PCSK5: variants seen among roughly 807,000 people sequenced by gnomAD.
PCSK5 encodes prohormone convertase 5.
In PCSK5, 129 loss-of-function variants were observed where a neutral mutation model predicts 233.2. The observed-to-expected ratio is 0.55, with a 90% CI of 0.48 to 0.64. The LOEUF is 0.64. Ranked by LOEUF, PCSK5 falls within the 30% of genes least tolerant of loss-of-function variation. The pLI is 0.00. For synonymous variants in PCSK5, 825 were observed against 879.2 expected (o/e 0.94, Z 1.09); for missense variants, 2,076 against 2,430.1 (o/e 0.85, Z 3.06).
intron 5 of PCSK5, among the ~76,000 whole-genome samples, chr9:76,042,869 G>C (rs1052346474): frequency 1.1e-4 from 16 of 152,156 alleles, no homozygotes; most frequent in African/African-American, 3.4e-4. Context: ...GCAACAGCCT[G>C]TAATTCCTTC....
At chr9:76,109,545 T>A (rs1316085830) in intron 9 of PCSK5, among the ~76,000 whole-genome samples, 1 of 149,596 alleles carries the variant, frequency 6.7e-6, no homozygotes, top group African/African-American at 2.5e-5. Context: ...CATAACACAT[T>A]GAAAGACTAC....
chr9:75,963,566 C>T (rs941702527), intron 2 of PCSK5, among the ~76,000 whole-genome samples: 2 of 152,142 alleles, frequency 1.3e-5, no homozygotes, highest in Non-Finnish European at 2.9e-5. Flanking sequence ...TGTTTGAGTT[C>T]GTTTTTACTT....
intron 24 of PCSK5, among the ~76,000 whole-genome samples, chr9:76,243,328 T>G (rs1826486810): frequency 6.6e-6 from 1 of 152,142 alleles, no homozygotes; most frequent in Non-Finnish European, 1.5e-5. Context: ...CTATAAGGGA[T>G]AGCAGGATCT....
chr9:75,924,701 C>T (rs1823402582), intron 1 of PCSK5, among the ~76,000 whole-genome samples: 1 of 152,152 alleles, frequency 6.6e-6, no homozygotes, highest in African/African-American at 2.4e-5. Flanking sequence ...GGAAATATTC[C>T]TAGAAAATAT....
At position 76,178,169 on chromosome 9, in the gene PCSK5, A is replaced by G. The variant is rs115016904; in HGVS notation, c.1901-1427A>G. On this transcript the variant is annotated intron_variant, in intron 14 of 37. Transcript: ENST00000674117. ...TCAGTCCATAGACAGCAGAGACACCACTCCCCTGGTGTACGATGGCAGATG... is the reference window on the plus strand; with the variant it reads ...TCAGTCCATAGACAGCAGAGACACCGCTCCCCTGGTGTACGATGGCAGATG... Among the ~76,000 whole-genome samples, 375 of 151,894 alleles carry G rather than the reference A, an allele frequency of 2.5e-3. 1 individual carries two copies. Among genetic ancestry groups the G allele is most frequent in the African/African-American group, 8.5e-3 (351 of 41,404 alleles).
chr9:76,038,263 A>G (rs548955119), intron 5 of PCSK5, among the ~76,000 whole-genome samples: 14 of 151,996 alleles, frequency 9.2e-5, no homozygotes, highest in Non-Finnish European at 1.5e-4. Flanking sequence ...TTTTTCCACT[A>G]TCCTGATACC....
Position 76,281,618 on chromosome 9 carries a change from G to A in PCSK5, c.3143-10615G>A, listed in dbSNP as rs371944953. On this transcript the variant is annotated intron_variant, in intron 24 of 37. Coordinates refer to ENST00000674117, the MANE Select transcript of PCSK5 (RefSeq NM_001372043.1). ...TACCTGCTAACAGGACATTGATTCT[G>A]CAGCCCATGGATTGAAGAGTAATTT... Among the ~76,000 whole-genome samples, 5 of 152,242 alleles carry A rather than the reference G, an allele frequency of 3.3e-5. No individual in the cohort carries two copies. The South Asian group carries it at 1.0e-3, about 32-fold the overall frequency.
At chr9:76,172,875 G>C (rs1823387074) in intron 13 of PCSK5, among the ~76,000 whole-genome samples, 1 of 152,124 alleles carries the variant, frequency 6.6e-6, no homozygotes, top group South Asian at 2.1e-4. Flanking sequence ...CCAAAGAAAA[G>C]CTGGCAGAGG....
intron 36 of PCSK5, among the ~76,000 whole-genome samples, chr9:76,351,513 A>G (rs1268841228): frequency 3.9e-4 from 47 of 119,846 alleles, no homozygotes; most frequent in East Asian, 5.3e-4. Flanking sequence ...AGAAAGAAAG[A>G]AAGAAAGAAA....
At chr9:76,205,304 G>C (rs1256278585) in intron 20 of PCSK5, 3 of 517,196 alleles carry the variant, frequency 5.8e-6, no homozygotes, top group African/African-American at 1.9e-5. Flanking sequence ...CGCCTATGCT[G>C]TTCCCACACA....
In PCSK5 at chr9:75,986,220, C is replaced by T. The variant is rs865948595; in HGVS notation, c.386C>T (p.Pro129Leu). Reference protein sequence around the residue: ...SRAQSTYFNDPKWPSMWYMHC... With the variant: ...SRAQSTYFNDLKWPSMWYMHC... ...GCCCAGTCTACCTATTTCAATGATC[C>T]CAAGTGGCCCAGCATGTGGTATATG... Residue 129 changes from proline to leucine, a missense_variant, in exon 3 of 38, where the codon CCC (proline) becomes CTC (leucine). Physicochemically the swap from Pro to Leu is moderately conservative, Grantham distance 98. Coordinates refer to ENST00000674117, the MANE Select transcript of PCSK5 (RefSeq NM_001372043.1). 1 of 1,610,286 alleles carries T rather than the reference C, an allele frequency of 6.2e-7. No homozygotes were observed. The highest frequency in any genetic ancestry group is 8.5e-7 in the Non-Finnish European group (1 of 1,176,504).
At chr9:76,247,153 G>A (rs149900656) in intron 24 of PCSK5, among the ~76,000 whole-genome samples, 7 of 152,290 alleles carry the variant, frequency 4.6e-5, no homozygotes, top group Non-Finnish European at 1.0e-4. Flanking sequence ...TGGGCACCTC[G>A]CTGGATCAGG....
chr9:76,142,025 G>T (rs1170952120), intron 10 of PCSK5, among the ~76,000 whole-genome samples: 1 of 151,980 alleles, frequency 6.6e-6, no homozygotes, highest in Non-Finnish European at 1.5e-5. Context: ...ATAACTATTG[G>T]ATACTGGGCT....
chr9:76,310,817 C>T lies in PCSK5; in HGVS notation c.3850C>T (p.Leu1284Phe). ...GATGCAGCCGGGCCACCCTCTCTTC[C>T]TCCATGAAGGCAGGTGCTACTCCAA... Reference protein sequence around the residue: ...CQMQPGHPLFLHEGRCYSKCP... With the variant: ...CQMQPGHPLFFHEGRCYSKCP... The change falls in exon 30 of 38, where the codon CTC (leucine) becomes TTC (phenylalanine). Residue 1284 changes from leucine (L) to phenylalanine (F), a missense_variant. Transcript: ENST00000674117. The T allele has an allele frequency of 6.2e-7, 1 of 1,608,566 alleles. No homozygotes were observed. The highest frequency in any genetic ancestry group is 8.5e-7 in the Non-Finnish European group (1 of 1,178,344).
At chr9:76,233,315 A>G in intron 21 of PCSK5, 145 bp from the exon 22 acceptor site, 2 of 761,230 alleles carry the variant, frequency 2.6e-6, no homozygotes, top group South Asian at 3.5e-5. Flanking sequence ...CACATGTTCT[A>G]AGATGATCAC....
At chr9:76,256,435 G>A (rs1308246156) in intron 24 of PCSK5, among the ~76,000 whole-genome samples, 1 of 152,184 alleles carries the variant, frequency 6.6e-6, no homozygotes. Flanking sequence ...GGTCGAGCCG[G>A]ACACACAGGG....
chr9:76,207,316 T>G (rs528623132), intron 20 of PCSK5, among the ~76,000 whole-genome samples: 9 of 152,344 alleles, frequency 5.9e-5, no homozygotes, highest in Admixed American at 2.6e-4. Flanking sequence ...TTGGATTTTT[T>G]GTCTAATTCT....
rs1830101660 is a variant in PCSK5 at position 76,350,816 on chromosome 9, T to G, written c.4967-12T>G. The G allele has an allele frequency of 6.6e-7, 1 of 1,518,492 alleles. No individual in the cohort carries two copies. The highest frequency in any genetic ancestry group is 9.1e-7 in the Non-Finnish European group (1 of 1,095,256). 94.1% of individuals were successfully genotyped at this position (1,518,492 alleles called of 1,614,324 possible). A position where few individuals can be genotyped will look rare whatever the true frequency, so the allele number is the denominator to read the frequency against. On this transcript the variant is annotated splice_polypyrimidine_tract_variant and intron_variant, in intron 35 of 37. Transcript: ENST00000674117. ...AGGTCAATCTCATAACTTAGAATGT[T>G]TTCTCTTTCAGGAAAAGGAGCGTTG...
chr9:76,217,191 A>C lies in PCSK5; in HGVS notation c.2627-10312A>C, dbSNP rs1045401113. Among the ~76,000 whole-genome samples, 8 of 152,250 alleles carry C rather than the reference A, an allele frequency of 5.3e-5. No homozygotes were observed. In the East Asian group the frequency reaches 1.5e-3, roughly 29 times the overall value. ...AGAAGGAATAATATTACCTGATATTAGGCAGGAGACAAACAGGAACTAGCA... is the reference window on the plus strand; with the variant it reads ...AGAAGGAATAATATTACCTGATATTCGGCAGGAGACAAACAGGAACTAGCA... On this transcript the variant is annotated intron_variant, in intron 20 of 37. Transcript: ENST00000674117.
Sources: allele counts gnomAD v4.1 joint callset (sites outside exome capture counted in the v4.1 genomes callset), GRCh38; gene constraint gnomAD v4.1.1; transcripts MANE v1.5; gene names NCBI Gene and HGNC (gene_info 2026-07-23, HGNC 2026-07-21).